The following AFG1L variants were observed in gnomAD, a reference collection of about 807,000 sequenced individuals.
AFG1L encodes the protein AFG1-like ATPase.
Under a neutral mutation model 62.2 loss-of-function variants are expected in AFG1L, and 53 were observed. The ratio of observed to expected loss-of-function variants is 0.85; its 90% CI spans 0.68 to 1.07. The LOEUF (loss-of-function observed/expected upper bound fraction) is 1.07, where lower values mean the gene tolerates loss of function less well. Among genes scored for constraint, AFG1L ranks in the 50% least tolerant of loss-of-function variants. AFG1L has a pLI of 0.00. For synonymous variants in AFG1L, 228 were observed against 210.3 expected (o/e 1.08, Z -0.73); for missense variants, 555 against 590.5 (o/e 0.94, Z 0.62).
intron 7 of AFG1L, among the ~76,000 whole-genome samples, chr6:108,432,406 C>T (rs1771117037): frequency 6.6e-6 from 1 of 152,178 alleles, no homozygotes; most frequent in Non-Finnish European, 1.5e-5. Context: ...CTACTCTTCT[C>T]AGTTTATTCA....
intron 8 of AFG1L, among the ~76,000 whole-genome samples, chr6:108,469,789 C>T (rs1284269189): frequency 2.6e-5 from 4 of 152,138 alleles, no homozygotes; most frequent in African/African-American, 9.7e-5. Context: ...AGTATGTGTC[C>T]TGGACCATCA....
chr6:108,318,241 C>T, intron 1 of AFG1L: 1 of 310,698 alleles, frequency 3.2e-6, no homozygotes, highest in Non-Finnish European at 6.2e-6. Flanking sequence ...TCATCATAGG[C>T]AGACTAAGCT....
At chr6:108,375,994 A>G (rs1224747826) in intron 6 of AFG1L, among the ~76,000 whole-genome samples, 1 of 151,866 alleles carries the variant, frequency 6.6e-6, no homozygotes, top group East Asian at 1.9e-4. Context: ...TTGGAACTTG[A>G]TATTGGTCTG....
chr6:108,484,757 T>G (rs189709679), intron 10 of AFG1L, among the ~76,000 whole-genome samples: 1 of 152,220 alleles, frequency 6.6e-6, no homozygotes, highest in Non-Finnish European at 1.5e-5. Flanking sequence ...AAAAGTAAGA[T>G]GTACATAAGT....
At chr6:108,345,246 A>T (rs1345537901) in intron 2 of AFG1L, among the ~76,000 whole-genome samples, 1 of 151,910 alleles carries the variant, frequency 6.6e-6, no homozygotes, top group Non-Finnish European at 1.5e-5. Flanking sequence ...TCAGCCTCCC[A>T]AACATCATTT....
At chr6:108,458,953 A>G (rs528050866) in intron 8 of AFG1L, among the ~76,000 whole-genome samples, 3 of 152,314 alleles carry the variant, frequency 2.0e-5, no homozygotes, top group African/African-American at 7.2e-5. Flanking sequence ...GGCTTTGTAA[A>G]GCAGAACCAG....
chr6:108,418,424 T>C lies in AFG1L; in HGVS notation c.807+16370T>C, dbSNP rs565154466. Among the ~76,000 whole-genome samples the C allele has an allele frequency of 3.3e-5, 5 of 152,354 alleles. No homozygotes were observed. The South Asian group carries it at 8.3e-4, about 25-fold the overall frequency. ...ATCTGACCCTTTACAGGAAGTTTGCTGGCCCTGATCTATATAATATACAAA... is the reference window on the plus strand; with the variant it reads ...ATCTGACCCTTTACAGGAAGTTTGCCGGCCCTGATCTATATAATATACAAA... On this transcript the variant is annotated intron_variant, in intron 7 of 12. Transcript: ENST00000368977.
At position 108,525,670 on chromosome 6, in the gene AFG1L, G is replaced by A. The variant is rs766328447; in HGVS notation, c.*3245G>A. On this transcript the variant is annotated 3_prime_UTR_variant, in exon 13 of 13. Transcript: ENST00000368977. ...ATCCATATAACAGTCTTATGAGATA[G>A]GTGCCATTATAATCATTTTATAGAC... The A allele has an allele frequency of 6.6e-6, 1 of 152,188 alleles. No individual in the cohort carries two copies. The highest frequency in any genetic ancestry group is 2.4e-5 in the African/African-American group (1 of 41,444). The allele number at this position is 152,188 out of a possible 1,614,324, so 9.4% of individuals were successfully genotyped here.
chr6:108,515,142 G>A (rs1774825311), intron 11 of AFG1L, among the ~76,000 whole-genome samples: 1 of 152,150 alleles, frequency 6.6e-6, no homozygotes, highest in Non-Finnish European at 1.5e-5. Flanking sequence ...TCTGCACCAA[G>A]CGGACCTAAT....
intron 2 of AFG1L, among the ~76,000 whole-genome samples, chr6:108,325,124 G>A (rs1360479862): frequency 6.6e-6 from 1 of 152,200 alleles, no homozygotes; most frequent in Non-Finnish European, 1.5e-5. Context: ...CTGCAAGCAA[G>A]AAGCAGGCAC....
At position 108,524,334 on chromosome 6, in the gene AFG1L, A is replaced by G. The variant is rs1775242310; in HGVS notation, c.*1909A>G. 1 of 152,220 alleles carries G rather than the reference A, an allele frequency of 6.6e-6. No homozygotes were observed. The highest frequency in any genetic ancestry group is 6.5e-5 in the Admixed American group (1 of 15,280). The allele number at this position is 152,220 out of a possible 1,614,324, so 9.4% of individuals were successfully genotyped here. On this transcript the variant is annotated 3_prime_UTR_variant, in exon 13 of 13. Transcript: ENST00000368977. ...ATCATGTGAATGGACAGACAGATAGATGGACAGTATGACCGATAGACAGAC... is the reference window on the plus strand; with the variant it reads ...ATCATGTGAATGGACAGACAGATAGGTGGACAGTATGACCGATAGACAGAC...
chr6:108,420,034 T>G (rs1394963156), intron 7 of AFG1L, among the ~76,000 whole-genome samples: 1 of 152,184 alleles, frequency 6.6e-6, no homozygotes, highest in Non-Finnish European at 1.5e-5. Flanking sequence ...GTTTGTTCAT[T>G]GTAACTTTCA....
At chr6:108,319,292 G>C (rs1328280151) in intron 1 of AFG1L, among the ~76,000 whole-genome samples, 1 of 152,102 alleles carries the variant, frequency 6.6e-6, no homozygotes, top group Non-Finnish European at 1.5e-5. Context: ...CCAGACAGGA[G>C]TGCAGTAGCA....
chr6:108,500,211 T>TGTGTGTAC lies in AFG1L; in HGVS notation c.1063-10001_1063-10000insGTGTGTAC, dbSNP rs1554204021. On this transcript the variant is annotated intron_variant, in intron 10 of 12. Coordinates refer to ENST00000368977, the MANE Select transcript of AFG1L (RefSeq NM_145315.5). ...GTGTGTGTGTGTGTGTGTGTGTGTG[T>TGTGTGTAC]ACATATACGTATACCTGATCTCAGG... 2.0e-5 allele frequency among the ~76,000 whole-genome samples: 3 copies of TGTGTGTAC among 150,336 alleles called. No homozygotes were observed. In the South Asian group the frequency reaches 6.3e-4, roughly 32 times the overall value.
At chr6:108,360,512 C>T (rs1312837985) in intron 5 of AFG1L, among the ~76,000 whole-genome samples, 1 of 152,104 alleles carries the variant, frequency 6.6e-6, no homozygotes, top group Admixed American at 6.6e-5. Context: ...GACCCTATTC[C>T]CCTGAGCAAG....
intron 11 of AFG1L, among the ~76,000 whole-genome samples, chr6:108,510,957 A>G (rs1252444728): frequency 1.3e-5 from 2 of 152,016 alleles, no homozygotes; most frequent in Non-Finnish European, 2.9e-5. Context: ...AGGGCCTGTC[A>G]TCCTGCCTAC....
At chr6:108,414,651 A>G (rs944102643) in intron 7 of AFG1L, among the ~76,000 whole-genome samples, 36 of 152,332 alleles carry the variant, frequency 2.4e-4, no homozygotes, top group African/African-American at 8.2e-4. Context: ...CATCACATAA[A>G]TAGAACCAAA....
chr6:108,487,004 C>T (rs902575228), intron 10 of AFG1L, among the ~76,000 whole-genome samples: 1 of 152,198 alleles, frequency 6.6e-6, no homozygotes, highest in Non-Finnish European at 1.5e-5. Flanking sequence ...CATGCCCAGC[C>T]AGTCAGCAAC....
chr6:108,400,815 TA>T (rs1781558244), intron 6 of AFG1L, among the ~76,000 whole-genome samples: 2 of 24,058 alleles, frequency 8.3e-5, no homozygotes, highest in Non-Finnish European at 1.3e-4. Context: ...AATAAATATA[TA>T]TAATATATAA....
Sources: gnomAD v4.1 joint callset for allele counts (sites outside exome capture counted in the v4.1 genomes callset) on GRCh38, gnomAD v4.1.1 for gene constraint, MANE v1.5 for transcripts, NCBI Gene and HGNC (gene_info 2026-07-23, HGNC 2026-07-21) for gene names.